SLC9A9: variants seen among roughly 807,000 people sequenced by gnomAD.
SLC9A9 encodes the protein solute carrier family 9 member A9, also known as sodium/hydrogen exchanger 9.
SLC9A9 carries 62 observed loss-of-function variants against 77.8 expected under a neutral mutation model. That is an observed-to-expected ratio of 0.80 (90% CI 0.65 to 0.98). The LOEUF (loss-of-function observed/expected upper bound fraction) is 0.98, where lower values mean the gene tolerates loss of function less well. SLC9A9 is among the 50% of genes least tolerant of loss of function. SLC9A9 has a pLI of 0.00. For synonymous variants in SLC9A9, 320 were observed against 283.5 expected (o/e 1.13, Z -1.29); for missense variants, 775 against 774.9 (o/e 1.00, Z 0.00).
chr3:143,519,372 T>C (rs781460127), intron 9 of SLC9A9, among the ~76,000 whole-genome samples: 1 of 151,954 alleles, frequency 6.6e-6, no homozygotes, highest in Non-Finnish European at 1.5e-5. Context: ...GACACTCTAG[T>C]TATAGTGAAG....
In SLC9A9 at chr3:143,383,923, G is replaced by A. The variant is rs542088336; in HGVS notation, c.1470-1809C>T. Reference sequence around the variant, plus strand: ...GAACAGTAACGGTAAAGTCCCGCCTGTTTAAAATACCTCTGATTCTTCACA... The same window carrying A: ...GAACAGTAACGGTAAAGTCCCGCCTATTTAAAATACCTCTGATTCTTCACA... On this transcript the variant is annotated intron_variant, in intron 12 of 15. Coordinates refer to ENST00000316549, the MANE Select transcript of SLC9A9 (RefSeq NM_173653.4). Among the ~76,000 whole-genome samples, 10 of 152,302 alleles carry A rather than the reference G, an allele frequency of 6.6e-5. No homozygotes were observed. In the East Asian group the frequency reaches 1.9e-3, roughly 29 times the overall value.
chr3:143,434,733 A>G (rs1321621696), intron 12 of SLC9A9, among the ~76,000 whole-genome samples: 1 of 152,114 alleles, frequency 6.6e-6, no homozygotes, highest in African/African-American at 2.4e-5. Flanking sequence ...GGTCCATGCT[A>G]ACCTCTGCTG....
intron 2 of SLC9A9, among the ~76,000 whole-genome samples, chr3:143,819,293 T>C (rs1026517309): frequency 6.6e-6 from 1 of 152,224 alleles, no homozygotes; most frequent in Admixed American, 6.5e-5. Context: ...GTGAACATTA[T>C]ACATACAAAA....
intron 1 of SLC9A9, among the ~76,000 whole-genome samples, chr3:143,833,289 G>A (rs2009484821): frequency 2.0e-5 from 3 of 152,110 alleles, no homozygotes; most frequent in African/African-American, 7.2e-5. Flanking sequence ...TTTTTGGGGT[G>A]CATATTGTGT....
At chr3:143,646,117 G>A (rs541942260) in intron 6 of SLC9A9, among the ~76,000 whole-genome samples, 33 of 151,994 alleles carry the variant, frequency 2.2e-4, no homozygotes, top group African/African-American at 7.2e-4. Context: ...TGTTAATGGG[G>A]ATTTTTGGGA....
At chr3:143,501,038 A>C (rs1156233169) in intron 9 of SLC9A9, among the ~76,000 whole-genome samples, 2 of 150,662 alleles carry the variant, frequency 1.3e-5, no homozygotes, top group Non-Finnish European at 2.9e-5. Flanking sequence ...AAAAATAATC[A>C]ATTTAAAGGA....
At chr3:143,344,861 G>GAA (rs5853105) in intron 14 of SLC9A9, among the ~76,000 whole-genome samples, 1 of 151,800 alleles carries the variant, frequency 6.6e-6, no homozygotes, top group South Asian at 2.1e-4. Flanking sequence ...GTGTTGGAGG[G>GAA]AAAAAAAGTG....
intron 14 of SLC9A9, among the ~76,000 whole-genome samples, chr3:143,274,599 G>T (rs559391485): frequency 2.0e-4 from 30 of 152,304 alleles, no homozygotes; most frequent in Non-Finnish European, 3.8e-4. Flanking sequence ...GTTGAAAAAA[G>T]TGTACAAACT....
chr3:143,681,121 G>C (rs1560028521), intron 5 of SLC9A9, among the ~76,000 whole-genome samples: 1 of 152,132 alleles, frequency 6.6e-6, no homozygotes, highest in Non-Finnish European at 1.5e-5. Context: ...AGTGATAACT[G>C]TTTGGCTACT....
At chr3:143,778,277 A>G (rs1224593020) in intron 4 of SLC9A9, among the ~76,000 whole-genome samples, 5 of 152,078 alleles carry the variant, frequency 3.3e-5, no homozygotes, top group Admixed American at 2.6e-4. Context: ...TTTTCCCTTT[A>G]TGGCAAGACT....
At chr3:143,690,603 C>G (rs777828241) in intron 5 of SLC9A9, among the ~76,000 whole-genome samples, 1 of 152,034 alleles carries the variant, frequency 6.6e-6, no homozygotes, top group Non-Finnish European at 1.5e-5. Context: ...TGAAGAGGCT[C>G]CCACTTGTCA....
At chr3:143,541,593 G>A (rs145380630) in intron 9 of SLC9A9, among the ~76,000 whole-genome samples, 4 of 152,198 alleles carry the variant, frequency 2.6e-5, no homozygotes, top group African/African-American at 7.2e-5. Context: ...TTTAGAGGCA[G>A]GTGCTGTGTA....
chr3:143,493,523 A>T lies in SLC9A9; in HGVS notation c.1315+130T>A, dbSNP rs1006449394. The T allele has an allele frequency of 5.3e-6, 4 of 754,186 alleles. No homozygotes were observed. In the African/African-American group the frequency reaches 7.0e-5, roughly 13 times the overall value. 46.7% of individuals were successfully genotyped at this position (754,186 alleles called of 1,614,324 possible). On this transcript the variant is annotated intron_variant, in intron 11 of 15. Transcript: ENST00000316549. ...TGCTCAGCACTTACGGAGAATCAGCATAGTGTTAGGTACAATGGGATAAAG... is the reference window on the plus strand; with the variant it reads ...TGCTCAGCACTTACGGAGAATCAGCTTAGTGTTAGGTACAATGGGATAAAG...
At chr3:143,505,655 T>C (rs867934755) in intron 9 of SLC9A9, among the ~76,000 whole-genome samples, 4 of 152,240 alleles carry the variant, frequency 2.6e-5, no homozygotes, top group South Asian at 2.1e-4. Flanking sequence ...CATTGTCTTC[T>C]TTTAAACTTA....
At chr3:143,691,848 G>T (rs754430223) in intron 5 of SLC9A9, among the ~76,000 whole-genome samples, 2 of 151,874 alleles carry the variant, frequency 1.3e-5, no homozygotes, top group African/African-American at 2.4e-5. Context: ...ATTCCCCATG[G>T]TATTCACTTT....
intron 12 of SLC9A9, among the ~76,000 whole-genome samples, chr3:143,400,930 A>G (rs1404538879): frequency 6.6e-6 from 1 of 152,010 alleles, no homozygotes; most frequent in African/African-American, 2.4e-5. Flanking sequence ...TGCCTCCCCC[A>G]GTCCTGATCG....
chr3:143,807,701 C>T (rs890650471), intron 2 of SLC9A9, among the ~76,000 whole-genome samples: 2 of 152,106 alleles, frequency 1.3e-5, no homozygotes, highest in Non-Finnish European at 1.5e-5. Flanking sequence ...GCCGAGATGG[C>T]GCCATTGCAC....
rs569288549 is a variant in SLC9A9, at chr3:143,600,957, A to G, written c.756-22234T>C. On this transcript the variant is annotated intron_variant, in intron 6 of 15. Transcript: ENST00000316549. ...AGGAAGTTCTGTGTGATTTATTTCA[A>G]CTGAGCATAACAAAGTGGTGAATGG... Among the ~76,000 whole-genome samples, 3 of 152,298 alleles carry G rather than the reference A, an allele frequency of 2.0e-5. No individual in the cohort carries two copies. The South Asian group carries it at 6.2e-4, about 32-fold the overall frequency.
chr3:143,586,136 T>A (rs956501059), intron 6 of SLC9A9, among the ~76,000 whole-genome samples: 2 of 152,198 alleles, frequency 1.3e-5, no homozygotes, highest in African/African-American at 4.8e-5. Context: ...CATACACAGA[T>A]GTGAGGCAAA....
Sources: allele counts gnomAD v4.1 joint callset (sites outside exome capture counted in the v4.1 genomes callset), GRCh38; gene constraint gnomAD v4.1.1; transcripts MANE v1.5; gene names NCBI Gene and HGNC (gene_info 2026-07-23, HGNC 2026-07-21).